INVS: variants seen among roughly 807,000 people sequenced by gnomAD.
The protein encoded by INVS is inversion of embryo turning homolog.
INVS carries 86 observed loss-of-function variants against 108.8 expected under a neutral mutation model. That is an observed-to-expected ratio of 0.79 (90% CI 0.66 to 0.95). The LOEUF (loss-of-function observed/expected upper bound fraction) is 0.95, where lower values mean the gene tolerates loss of function less well. Among genes scored for constraint, INVS ranks in the 40% least tolerant of loss-of-function variants. The pLI, the probability that INVS is intolerant of heterozygous loss-of-function variation, is 0.00. For synonymous variants in INVS, 455 were observed against 473.5 expected (o/e 0.96, Z 0.51); for missense variants, 1,169 against 1,297.4 (o/e 0.90, Z 1.52).
chr9:100,196,930 G>C (rs549969559), intron 3 of INVS, among the ~76,000 whole-genome samples: 1 of 152,182 alleles, frequency 6.6e-6, no homozygotes, highest in South Asian at 2.1e-4. Context: ...CAACACAGAA[G>C]ACTTCAGTGA....
intron 3 of INVS, among the ~76,000 whole-genome samples, chr9:100,166,502 A>G (rs1205508098): frequency 6.6e-6 from 1 of 152,176 alleles, no homozygotes; most frequent in South Asian, 2.1e-4. Context: ...TAGCCTGGGC[A>G]AGAGAATGAG....
intron 3 of INVS, among the ~76,000 whole-genome samples, chr9:100,198,975 A>C (rs1044482493): frequency 6.6e-6 from 1 of 152,196 alleles, no homozygotes; most frequent in Non-Finnish European, 1.5e-5. Flanking sequence ...CCACATTCGC[A>C]GAGACGTCAT....
intron 3 of INVS, among the ~76,000 whole-genome samples, chr9:100,142,041 C>A (rs1182923256): frequency 6.6e-6 from 1 of 152,198 alleles, no homozygotes; most frequent in Non-Finnish European, 1.5e-5. Flanking sequence ...GGAATGCTAG[C>A]TGCTTGTCTA....
chr9:100,232,125 CAT>C (rs1491255336), intron 5 of INVS, among the ~76,000 whole-genome samples: 3 of 152,004 alleles, frequency 2.0e-5, no homozygotes, highest in African/African-American at 4.8e-5. Context: ...AGCTTTTTTT[CAT>C]ATGTTTTTTG....
chr9:100,207,691 A>G (rs933445523), intron 3 of INVS, among the ~76,000 whole-genome samples: 18 of 152,214 alleles, frequency 1.2e-4, no homozygotes, highest in Non-Finnish European at 2.1e-4. Flanking sequence ...TAAACAAAAA[A>G]ACTAAAAAGG....
At chr9:100,238,216 G>GA (rs1005471003) in intron 5 of INVS, among the ~76,000 whole-genome samples, 12 of 149,350 alleles carry the variant, frequency 8.0e-5, no homozygotes, top group East Asian at 2.0e-4. Context: ...TATGCCTCTT[G>GA]AAAAAAAAAT....
At chr9:100,238,159 A>G (rs541854202) in intron 5 of INVS, among the ~76,000 whole-genome samples, 47 of 152,184 alleles carry the variant, frequency 3.1e-4, no homozygotes, top group Non-Finnish European at 5.6e-4. Context: ...GATTACAGGC[A>G]TGAGCCACCA....
At chr9:100,149,853 T>C (rs1828753366) in intron 3 of INVS, among the ~76,000 whole-genome samples, 1 of 152,204 alleles carries the variant, frequency 6.6e-6, no homozygotes, top group African/African-American at 2.4e-5. Context: ...TTGTATATTA[T>C]GTGTTTTCTG....
At chr9:100,297,798 C>T (rs1169037399) in intron 15 of INVS, 138 bp from the exon 16 acceptor site, 17 of 830,354 alleles carry the variant, frequency 2.0e-5, no homozygotes, top group African/African-American at 6.7e-5. Context: ...CCTGGGCCTA[C>T]ATGTTTCCAC....
intron 5 of INVS, among the ~76,000 whole-genome samples, chr9:100,235,672 T>C (rs1831666536): frequency 6.6e-6 from 1 of 152,220 alleles, no homozygotes; most frequent in African/African-American, 2.4e-5. Context: ...ATTCTTTTCT[T>C]TAAGAATGTT....
In INVS at chr9:100,126,516, C is replaced by A. The variant is rs977866096; in HGVS notation, c.240C>A (p.Ser80Arg). 1 of 1,614,116 alleles carries A rather than the reference C, an allele frequency of 6.2e-7. No individual in the cohort carries two copies. Among genetic ancestry groups the A allele is most frequent in the Admixed American group, 1.7e-5 (1 of 60,024 alleles). ...AGADVNKTDH[S>R]QRTALHLAAQ... ...CAGATGTGAATAAAACTGACCATAG[C>A]CAGAGAACAGCCCTCCATCTTGCAG... The change falls in exon 3 of 17, where the codon AGC becomes AGA. Residue 80 changes from serine to arginine, a missense_variant. Physicochemically the swap from Ser to Arg is moderately radical, Grantham distance 110. Around this residue, in one of 3 missense-constraint regions of INVS, gnomAD observed 365 missense variants for 397.5 expected, o/e 0.92. Coordinates refer to ENST00000262457, the MANE Select transcript of INVS (RefSeq NM_014425.5).
chr9:100,300,238 T>C (rs542278342), intron 16 of INVS, among the ~76,000 whole-genome samples: 4 of 152,332 alleles, frequency 2.6e-5, no homozygotes, highest in African/African-American at 9.6e-5. Context: ...AGTTAAAAGA[T>C]GTGTTACCTG....
chr9:100,232,564 C>T (rs1831546962), intron 5 of INVS, among the ~76,000 whole-genome samples: 1 of 152,192 alleles, frequency 6.6e-6, no homozygotes, highest in Non-Finnish European at 1.5e-5. Context: ...TTTCAGCTTT[C>T]TGCATATGGC....
rs1436921319 is a variant in INVS at position 100,100,920 on chromosome 9, A to AT, written c.-25+1505dup. ...TTATATATGTATATATATTATATGTATATATATAATATATATAATATATAT... is the reference window on the plus strand; with the variant it reads ...TTATATATGTATATATATTATATGTATTATATATAATATATATAATATATAT... On this transcript the variant is annotated intron_variant, in intron 1 of 16. Coordinates refer to ENST00000262457, the MANE Select transcript of INVS (RefSeq NM_014425.5). Among the ~76,000 whole-genome samples the AT allele has an allele frequency of 2.7e-3, 56 of 20,508 alleles. 2 individuals carry two copies. In the Admixed American group the frequency reaches 0.035, roughly 13 times the overall value. The allele number at this position is 20,508 out of a possible 152,430, so 13.5% of individuals were successfully genotyped here. A position where few individuals can be genotyped will look rare whatever the true frequency, so the allele number is the denominator to read the frequency against.
rs201366153 is a variant in INVS, at chr9:100,226,048, T to C, written c.274-14T>C. On this transcript the variant is annotated splice_polypyrimidine_tract_variant and intron_variant, in intron 3 of 16. Transcript: ENST00000262457. ...AGTACATTTTTTTCTTATCATCTCT[T>C]GTTTTTTATTTAGGGAAATTATCGT... 1 of 1,266,816 alleles carries C rather than the reference T, an allele frequency of 7.9e-7. No individual in the cohort carries two copies. The highest frequency in any genetic ancestry group is 1.1e-6 in the Non-Finnish European group (1 of 932,668). 78.5% of individuals were successfully genotyped at this position (1,266,816 alleles called of 1,614,324 possible).
At chr9:100,172,866 T>C (rs1829585369) in intron 3 of INVS, among the ~76,000 whole-genome samples, 1 of 152,180 alleles carries the variant, frequency 6.6e-6, no homozygotes, top group African/African-American at 2.4e-5. Flanking sequence ...ATTAGTTCAA[T>C]AGAGTGAATT....
intron 13 of INVS, among the ~76,000 whole-genome samples, chr9:100,290,045 T>C (rs1468684140): frequency 6.6e-6 from 1 of 152,168 alleles, no homozygotes; most frequent in African/African-American, 2.4e-5. Flanking sequence ...TTTTGGATTT[T>C]TGCCATTCTA....
At chr9:100,120,064 G>T (rs140337535) in intron 2 of INVS, among the ~76,000 whole-genome samples, 1 of 152,020 alleles carries the variant, frequency 6.6e-6, no homozygotes, top group African/African-American at 2.4e-5. Flanking sequence ...ACAAGTTACC[G>T]TGCTTCAAAT....
chr9:100,134,403 A>C (rs894571502), intron 3 of INVS, among the ~76,000 whole-genome samples: 2 of 152,160 alleles, frequency 1.3e-5, no homozygotes, highest in African/African-American at 4.8e-5. Context: ...TGCTATAAAC[A>C]TGTGTGAGCA....
Sources: allele counts gnomAD v4.1 joint callset (sites outside exome capture counted in the v4.1 genomes callset), GRCh38; gene constraint gnomAD v4.1.1; regional missense constraint gnomAD v4.1.1; transcripts MANE v1.5; gene names NCBI Gene and HGNC (gene_info 2026-07-23, HGNC 2026-07-21).